The following CHD6 variants were observed in gnomAD, a reference collection of about 807,000 sequenced individuals.
The protein encoded by CHD6 is chromodomain helicase DNA binding protein 6.
In CHD6, 50 loss-of-function variants were observed where a neutral mutation model predicts 276.9. The observed-to-expected ratio is 0.18, with a 90% confidence interval of 0.14 to 0.23. CHD6 has a LOEUF of 0.23. Ranked by LOEUF, CHD6 falls within the 10% of genes least tolerant of loss-of-function variation. The pLI is 1.00. For synonymous variants in CHD6, 1,173 were observed against 1,229.3 expected, an observed-to-expected ratio of 0.95 and a Z score of 0.96; for missense variants, 2,564 against 3,365.8, an observed-to-expected ratio of 0.76 and a Z score of 5.89.
intron 3 of CHD6, among the ~76,000 whole-genome samples, chr20:41,520,192 G>C (rs2044354929): frequency 6.6e-6 from 1 of 152,178 alleles, no homozygotes; most frequent in South Asian, 2.1e-4. Context: ...AGAGGATGTG[G>C]AGAAATAGGA....
intron 25 of CHD6, among the ~76,000 whole-genome samples, chr20:41,444,859 T>A (rs1220207828): frequency 6.6e-6 from 1 of 151,994 alleles, no homozygotes; most frequent in African/African-American, 2.4e-5. Flanking sequence ...ACTTGCCCAA[T>A]GTCACACATT....
At chr20:41,449,178 T>C (rs556736300) in intron 23 of CHD6, among the ~76,000 whole-genome samples, 2 of 152,326 alleles carry the variant, frequency 1.3e-5, no homozygotes, top group East Asian at 1.9e-4. Flanking sequence ...GCTGGGATTA[T>C]AGGCGTGAAC....
intron 5 of CHD6, among the ~76,000 whole-genome samples, chr20:41,500,523 A>T (rs1422903859): frequency 1.3e-5 from 2 of 152,154 alleles, no homozygotes; most frequent in Non-Finnish European, 2.9e-5. Flanking sequence ...ATCCAAAACC[A>T]CACACGTCCC....
At chr20:41,537,384 T>C (rs1466147801) in intron 2 of CHD6, among the ~76,000 whole-genome samples, 1 of 152,232 alleles carries the variant, frequency 6.6e-6, no homozygotes, top group Non-Finnish European at 1.5e-5. Flanking sequence ...TGTGTTGTGT[T>C]AGGTCTTGTA....
rs1261351674 is a variant in CHD6, at chr20:41,452,455, G to A, written c.3323+285C>T. ...TGGACTCCTTGTATATCCTTGCGGG[G>A]TGGGAGGAAGCAGGAAATCAGTACC... On this transcript the variant is annotated intron_variant, in intron 21 of 36. Transcript: ENST00000373233. This position sits in a 1 kb window ranked among gnomAD's most constrained non-coding sequence, Gnocchi z 4.2. Among the ~76,000 whole-genome samples, 1 of 152,236 alleles carries A rather than the reference G, an allele frequency of 6.6e-6. No homozygotes were observed.
intron 17 of CHD6, among the ~76,000 whole-genome samples, chr20:41,463,856 C>G (rs1026221773): frequency 6.6e-6 from 1 of 152,120 alleles, no homozygotes; most frequent in African/African-American, 2.4e-5. Context: ...ATTCTGAGAA[C>G]TGAACTGTGA....
rs61753664 is a variant in CHD6 at position 41,488,597 on chromosome 20, G to C, written c.1688C>G (p.Pro563Arg). The C allele has an allele frequency of 6.2e-7, 1 of 1,612,470 alleles. No homozygotes were observed. The highest frequency in any genetic ancestry group is 1.7e-5 in the Admixed American group (1 of 59,764). ...GTGGAACTTGAAGACTCCTGAAAGG[G>C]GGTTTCCCTGAGGATGACACAACCA... ...EMVYRDAQGN[P>R]LSGVFKFHVV... The change falls in exon 13 of 37, where the codon CCC becomes CGC. Residue 563 changes from proline (P) to arginine (R), a missense_variant. Physicochemically the swap from Pro to Arg is moderately radical, Grantham distance 103. This residue lies in a region of CHD6 where 457 missense variants were observed against 889.0 expected (regional missense o/e 0.51). Coordinates refer to ENST00000373233, the MANE Select transcript of CHD6 (RefSeq NM_032221.5).
At chr20:41,600,469 C>G (rs1413443247) in intron 1 of CHD6, among the ~76,000 whole-genome samples, 1 of 152,080 alleles carries the variant, frequency 6.6e-6, no homozygotes, top group Non-Finnish European at 1.5e-5. Context: ...ACAAGAGAAC[C>G]TTATGGAGTG....
At chr20:41,412,357 C>A in intron 35 of CHD6, 94 bp from the exon 36 acceptor site, 7 of 1,424,054 alleles carry the variant, frequency 4.9e-6, no homozygotes, top group South Asian at 1.3e-5. Flanking sequence ...CTATTGTTCT[C>A]GTCAATGGTT....
chr20:41,559,147 GACACACACACACACAC>G (rs58169591), intron 1 of CHD6, among the ~76,000 whole-genome samples: 2 of 148,162 alleles, frequency 1.3e-5, no homozygotes, highest in East Asian at 2.0e-4. Context: ...GCCTGTTCCT[GACACACACACACACAC>G]ACACACACAC....
At chr20:41,428,551 C>T (rs2047436456) in intron 27 of CHD6, among the ~76,000 whole-genome samples, 1 of 152,200 alleles carries the variant, frequency 6.6e-6, no homozygotes, top group Admixed American at 6.5e-5. Context: ...TGCAATTTCT[C>T]CATCTTGAGG....
At chr20:41,504,809 G>T (rs906505910) in intron 5 of CHD6, among the ~76,000 whole-genome samples, 11 of 152,224 alleles carry the variant, frequency 7.2e-5, no homozygotes, top group Non-Finnish European at 1.0e-4. Flanking sequence ...TCTATTATAT[G>T]ATTATTCTCT....
rs372307184 is a variant in CHD6 at position 41,416,645 on chromosome 20, C to T, written c.6429G>A (p.Pro2143=). The change falls in exon 33 of 37, where the codon CCG becomes CCA. Residue 2143 remains proline, a synonymous_variant. Coordinates refer to ENST00000373233, the MANE Select transcript of CHD6 (RefSeq NM_032221.5). ...TGCTGAAGCTGTGTTCTGCTGCTTC[C>T]GGCTCTGAGAGGCTGGTTCGAGAAC... ...SAGSRTSLSE[P]EAAEHSFSNG... 2.8e-5 allele frequency: 45 copies of T among 1,613,878 alleles called. No homozygotes were observed. Among genetic ancestry groups the T allele is most frequent in the Admixed American group, 1.7e-4 (10 of 60,002 alleles).
intron 26 of CHD6, among the ~76,000 whole-genome samples, chr20:41,439,070 T>C (rs890920030): frequency 6.6e-6 from 1 of 152,126 alleles, no homozygotes; most frequent in African/African-American, 2.4e-5. Flanking sequence ...ATAAATGCTA[T>C]GTTTTGGCCG....
chr20:41,413,938 CCT>C (rs1173073010), intron 34 of CHD6: 6 of 154,470 alleles, frequency 3.9e-5, no homozygotes, highest in African/African-American at 1.2e-4. Context: ...GCCTGTCTTA[CCT>C]CTGTTTTACT....
intron 1 of CHD6, among the ~76,000 whole-genome samples, chr20:41,611,571 G>A (rs891628243): frequency 1.3e-5 from 2 of 151,884 alleles, no homozygotes; most frequent in African/African-American, 4.8e-5. Flanking sequence ...ACAGACTCCT[G>A]GGAACCCTAG....
At chr20:41,563,422 G>A (rs1252893681) in intron 1 of CHD6, among the ~76,000 whole-genome samples, 1 of 152,094 alleles carries the variant, frequency 6.6e-6, no homozygotes, top group African/African-American at 2.4e-5. Context: ...TATAAACTAA[G>A]GAAGCTTTCT....
chr20:41,536,969 G>A (rs946598912), intron 2 of CHD6, among the ~76,000 whole-genome samples: 2 of 152,152 alleles, frequency 1.3e-5, no homozygotes, highest in African/African-American at 4.8e-5. Flanking sequence ...AGATGTGAAG[G>A]TTGAAAGGGA....
chr20:41,490,156 C>A, intron 11 of CHD6, 135 bp from the exon 12 acceptor site: 1 of 782,296 alleles, frequency 1.3e-6, no homozygotes, highest in Non-Finnish European at 2.1e-6. Context: ...ACATATTAAA[C>A]TGAGGTTAGT....
Sources: allele counts gnomAD v4.1 joint callset (sites outside exome capture counted in the v4.1 genomes callset), GRCh38; gene constraint gnomAD v4.1.1; regional missense constraint gnomAD v4.1.1; non-coding constraint Gnocchi (gnomAD v3.1); transcripts MANE v1.5; gene names NCBI Gene and HGNC (gene_info 2026-07-23, HGNC 2026-07-21).